The following VPS13B variants were observed in gnomAD, a reference collection of about 807,000 sequenced individuals.
The protein encoded by VPS13B is vacuolar protein sorting 13 homolog B.
In VPS13B, 285 loss-of-function variants were observed where a neutral mutation model predicts 426.4. The ratio of observed to expected loss-of-function variants is 0.67; its 90% confidence interval spans 0.61 to 0.74. The LOEUF is 0.74. Ranked by LOEUF, VPS13B falls within the 30% of genes least tolerant of loss-of-function variation. The pLI is 0.00. For synonymous variants in VPS13B, 1,676 were observed against 1,676.4 expected, an observed-to-expected ratio of 1.00 and a Z score of 0.01; for missense variants, 4,537 against 4,782.6, an observed-to-expected ratio of 0.95 and a Z score of 1.51.
At chr8:99,684,365 T>G (rs769220875) in intron 35 of VPS13B, among the ~76,000 whole-genome samples, 1 of 152,168 alleles carries the variant, frequency 6.6e-6, no homozygotes, top group Non-Finnish European at 1.5e-5. Flanking sequence ...GACAGGGGAA[T>G]GAAGAAAAGA....
At chr8:99,825,953 T>C (rs1350080483) in intron 51 of VPS13B, among the ~76,000 whole-genome samples, 3 of 152,226 alleles carry the variant, frequency 2.0e-5, no homozygotes, top group Non-Finnish European at 2.9e-5. Flanking sequence ...ACCAGTGTCA[T>C]GCTGTTTTGG....
At chr8:99,441,873 CAT>C (rs1214730766) in intron 22 of VPS13B, among the ~76,000 whole-genome samples, 2 of 152,014 alleles carry the variant, frequency 1.3e-5, no homozygotes, top group African/African-American at 4.8e-5. Context: ...ATACTTGAAT[CAT>C]TGTATATAAA....
chr8:99,657,347 T>C (rs1830056599), intron 34 of VPS13B, among the ~76,000 whole-genome samples: 1 of 152,316 alleles, frequency 6.6e-6, no homozygotes, highest in East Asian at 1.9e-4. Context: ...TTTTTCTTTT[T>C]CCCTTTAATT....
At chr8:99,040,884 A>G (rs1027209047) in intron 3 of VPS13B, among the ~76,000 whole-genome samples, 7 of 152,174 alleles carry the variant, frequency 4.6e-5, no homozygotes, top group Non-Finnish European at 1.0e-4. Context: ...AGATTTTGTT[A>G]AATGCCTTGA....
intron 31 of VPS13B, among the ~76,000 whole-genome samples, chr8:99,568,937 G>A (rs1262679278): frequency 6.0e-5 from 9 of 150,208 alleles, no homozygotes; most frequent in African/African-American, 1.7e-4. Flanking sequence ...TCAGCCTCCC[G>A]AGTAGCTGGG....
intron 5 of VPS13B, among the ~76,000 whole-genome samples, chr8:99,110,643 A>G (rs1355061600): frequency 6.6e-6 from 1 of 151,898 alleles, no homozygotes; most frequent in Non-Finnish European, 1.5e-5. Context: ...GCTGGTGGCT[A>G]CCATATTGGA....
intron 17 of VPS13B, among the ~76,000 whole-genome samples, chr8:99,263,322 G>C (rs191972464): frequency 2.4e-4 from 37 of 152,258 alleles, no homozygotes; most frequent in Admixed American, 2.2e-3. Context: ...GGAGTATGTA[G>C]ATATTATCTG....
At chr8:99,416,862 C>T (rs1188214743) in intron 21 of VPS13B, among the ~76,000 whole-genome samples, 5 of 152,154 alleles carry the variant, frequency 3.3e-5, no homozygotes, top group African/African-American at 4.8e-5. Context: ...TGTTCCTATT[C>T]GGCCATCTTG....
intron 19 of VPS13B, among the ~76,000 whole-genome samples, chr8:99,302,201 C>A (rs1820406206): frequency 6.6e-6 from 1 of 152,184 alleles, no homozygotes; most frequent in African/African-American, 2.4e-5. Context: ...TCCAAACTGT[C>A]TAGCCAGATT....
intron 17 of VPS13B, chr8:99,233,632 C>T (rs1816477278): frequency 8.7e-7 from 1 of 1,151,892 alleles, no homozygotes; most frequent in Non-Finnish European, 1.3e-6. Context: ...TAATCTCCAT[C>T]TCAGCACTGG....
rs776631983 is a variant in VPS13B, at chr8:99,853,766, G to A, written c.10377G>A (p.Met3459Ile). 6.2e-7 allele frequency: 1 copy of A among 1,614,234 alleles called. No homozygotes were observed. Among genetic ancestry groups the A allele is most frequent in the Non-Finnish European group, 8.5e-7 (1 of 1,180,036 alleles). Residue 3459 changes from methionine (M) to isoleucine (I), a missense_variant, in exon 56 of 62, where the codon ATG becomes ATA. Met to Ile is a conservative substitution (Grantham distance 10). This residue lies in a region of VPS13B where 4,311 missense variants were observed against 4,474.3 expected (regional missense o/e 0.96). Transcript: ENST00000357162. ...CAGAACCCATTCAGTGTTCCAAAAT[G>A]CAGAGTCTCCTCATATCCAACAAAG... is the stretch of plus-strand genomic sequence containing the variant. ...EKAEPIQCSK[M>I]QSLLISNKEL...
At chr8:99,147,755 A>G in intron 13 of VPS13B, 86 bp from the exon 14 acceptor site, 1 of 885,836 alleles carries the variant, frequency 1.1e-6, no homozygotes, top group Non-Finnish European at 1.5e-6. Context: ...TTGACCTTAT[A>G]GTTTGGAGAA....
chr8:99,543,010 C>A (rs1245319195), intron 30 of VPS13B, among the ~76,000 whole-genome samples: 1 of 152,154 alleles, frequency 6.6e-6, no homozygotes, highest in Non-Finnish European at 1.5e-5. Context: ...CCAAGTCAAT[C>A]CTGAGCCAAA....
chr8:99,718,064 A>ATT (rs1004030955), intron 37 of VPS13B, among the ~76,000 whole-genome samples: 2 of 145,084 alleles, frequency 1.4e-5, no homozygotes, highest in African/African-American at 5.0e-5. Flanking sequence ...GCCGGGTTGA[A>ATT]TTTTTTTTTT....
intron 3 of VPS13B, among the ~76,000 whole-genome samples, chr8:99,081,696 G>C (rs1845471258): frequency 6.6e-6 from 1 of 151,262 alleles, no homozygotes; most frequent in Non-Finnish European, 1.5e-5. Context: ...CCACCTATGA[G>C]TGAGAACATG....
In VPS13B at chr8:99,175,241, A is replaced by C. The variant is rs551732986; in HGVS notation, c.2333+5078A>C. Among the ~76,000 whole-genome samples the C allele has an allele frequency of 9.8e-5, 15 of 152,364 alleles. No individual in the cohort carries two copies. The East Asian group carries it at 2.5e-3, about 25-fold the overall frequency. On this transcript the variant is annotated intron_variant, in intron 16 of 61. Transcript: ENST00000357162. Reference sequence around the variant, plus strand: ...TTTCTAAAAACTTGATTTCTCATCAAGTATTTTAACATGTACAGCTTGAAC... The same window carrying C: ...TTTCTAAAAACTTGATTTCTCATCACGTATTTTAACATGTACAGCTTGAAC...
chr8:99,353,891 C>T (rs1306471593), intron 19 of VPS13B, among the ~76,000 whole-genome samples: 2 of 151,852 alleles, frequency 1.3e-5, no homozygotes, highest in Non-Finnish European at 2.9e-5. Flanking sequence ...ATAATATTGT[C>T]TATGATTTTA....
chr8:99,579,202 C>T lies in VPS13B; in HGVS notation c.5220+1569C>T, dbSNP rs16897473. 5.3e-5 allele frequency among the ~76,000 whole-genome samples: 8 copies of T among 152,062 alleles called. No individual in the cohort carries two copies. The East Asian group carries it at 5.8e-4, about 11-fold the overall frequency. Reference sequence around the variant, plus strand: ...GGTGGGACATATCTGTAAAACTTTCCGTATTTTAGAAAAGACCTACAGTGC... The same window carrying T: ...GGTGGGACATATCTGTAAAACTTTCTGTATTTTAGAAAAGACCTACAGTGC... On this transcript the variant is annotated intron_variant, in intron 33 of 61. Transcript: ENST00000357162.
At chr8:99,828,912 T>A (rs1484754711) in intron 51 of VPS13B, among the ~76,000 whole-genome samples, 2 of 152,190 alleles carry the variant, frequency 1.3e-5, no homozygotes, top group African/African-American at 2.4e-5. Flanking sequence ...TTTGAGAATG[T>A]TGAATATTGG....
Sources: allele counts gnomAD v4.1 joint callset (sites outside exome capture counted in the v4.1 genomes callset), GRCh38; gene constraint gnomAD v4.1.1; regional missense constraint gnomAD v4.1.1; transcripts MANE v1.5; gene names NCBI Gene and HGNC (gene_info 2026-07-23, HGNC 2026-07-21).